UACA: variants seen among roughly 807,000 people sequenced by gnomAD.
UACA encodes nuclear membrane binding protein.
A neutral mutation model predicts 160.5 loss-of-function variants in UACA; 112 were observed. The ratio of observed to expected loss-of-function variants is 0.70; its 90% confidence interval spans 0.60 to 0.82. UACA has a LOEUF of 0.82. Among genes scored for constraint, UACA ranks in the 40% least tolerant of loss-of-function variants. UACA has a pLI of 0.00. For synonymous variants in UACA, 557 were observed against 568.4 expected (o/e 0.98, Z 0.29); for missense variants, 1,574 against 1,614.6 (o/e 0.97, Z 0.43).
rs190478929 is a variant in UACA, at chr15:70,753,432, C to T, written c.78+9898G>A. On this transcript the variant is annotated intron_variant, in intron 1 of 18. Transcript: ENST00000322954. ...AAAATGCCTCCTCTCTCCCCTTCTCCAATTTTTTTGTATATATGGCTTAAG... is the reference window on the plus strand; with the variant it reads ...AAAATGCCTCCTCTCTCCCCTTCTCTAATTTTTTTGTATATATGGCTTAAG... Among the ~76,000 whole-genome samples, 519 of 152,276 alleles carry T rather than the reference C, an allele frequency of 3.4e-3. 4 individuals carry two copies. The highest frequency in any genetic ancestry group is 0.011 in the African/African-American group (459 of 41,546).
Position 70,763,532 on chromosome 15 carries a change from T to C in UACA, c.-125A>G. The stretch of plus-strand genomic sequence containing the variant: ...GTACCAGCCCCACCTGCCTGCCACC[T>C]GCGGGCCCCGGGCAGCAGACGTCGA... On this transcript the variant is annotated 5_prime_UTR_variant, in exon 1 of 19. Coordinates refer to ENST00000322954, the MANE Select transcript of UACA (RefSeq NM_018003.4). The C allele has an allele frequency of 4.0e-6, 5 of 1,244,910 alleles. No individual in the cohort carries two copies. The highest frequency in any genetic ancestry group is 5.0e-6 in the Non-Finnish European group (5 of 990,500). 77.1% of individuals were successfully genotyped at this position (1,244,910 alleles called of 1,614,324 possible). A position where few individuals can be genotyped will look rare whatever the true frequency, so the allele number is the denominator to read the frequency against.
intron 1 of UACA, among the ~76,000 whole-genome samples, chr15:70,705,523 C>T (rs563280492): frequency 2.0e-5 from 3 of 151,562 alleles, no homozygotes; most frequent in East Asian, 1.9e-4. Context: ...GCAACAAGAG[C>T]GAAACTCCAT....
chr15:70,691,185 T>C (rs1341320634), intron 4 of UACA, 114 bp downstream of exon 4: 1 of 659,322 alleles, frequency 1.5e-6, no homozygotes, highest in Non-Finnish European at 2.5e-6. Flanking sequence ...TGTAAGCTCA[T>C]AGTCAAAGTT....
chr15:70,669,701 T>C (rs897526974), intron 15 of UACA, among the ~76,000 whole-genome samples: 11 of 152,220 alleles, frequency 7.2e-5, no homozygotes, highest in African/African-American at 1.9e-4. Flanking sequence ...AGTCTATTTC[T>C]GGCAGAACAA....
intron 8 of UACA, among the ~76,000 whole-genome samples, chr15:70,683,253 T>C (rs985887222): frequency 2.6e-5 from 4 of 151,730 alleles, no homozygotes; most frequent in Admixed American, 6.6e-5. Flanking sequence ...CAGCTACTCA[T>C]GAGGCTGAGG....
chr15:70,766,469 A>C (rs2031011792), upstream of UACA, among the ~76,000 whole-genome samples: 2 of 150,228 alleles, frequency 1.3e-5, no homozygotes, highest in Non-Finnish European at 3.0e-5. Flanking sequence ...ATATTTATTT[A>C]TTTACAATAT....
chr15:70,778,150 G>C, the UACA span, among the ~76,000 whole-genome samples: 1 of 151,782 alleles, frequency 6.6e-6, no homozygotes, highest in South Asian at 2.1e-4. Flanking sequence ...GCAGTGAGCT[G>C]TGATCGTGCC....
chr15:70,666,329 C>G (rs1896902156), intron 16 of UACA, among the ~76,000 whole-genome samples: 1 of 151,848 alleles, frequency 6.6e-6, no homozygotes, highest in African/African-American at 2.4e-5. Flanking sequence ...CAGTTTACTA[C>G]TATGGGTGAG....
chr15:70,721,596 C>T (rs1229729847), intron 1 of UACA, among the ~76,000 whole-genome samples: 3 of 150,766 alleles, frequency 2.0e-5, no homozygotes, highest in African/African-American at 7.4e-5. Flanking sequence ...CACTGCACTC[C>T]AGCCTGGGCA....
At chr15:70,657,539 G>A (rs1423946214) in intron 18 of UACA, among the ~76,000 whole-genome samples, 4 of 152,154 alleles carry the variant, frequency 2.6e-5, no homozygotes, top group Non-Finnish European at 5.9e-5. Context: ...AGGTTGCAGC[G>A]AACCAAGATT....
intron 1 of UACA, among the ~76,000 whole-genome samples, chr15:70,758,088 C>T (rs1022225923): frequency 2.0e-5 from 3 of 152,156 alleles, no homozygotes; most frequent in Non-Finnish European, 2.9e-5. Flanking sequence ...ATAATCATTA[C>T]ACCATCCTTA....
intron 1 of UACA, among the ~76,000 whole-genome samples, chr15:70,749,812 ACAT>A (rs1220423308): frequency 6.6e-6 from 1 of 152,192 alleles, no homozygotes; most frequent in African/African-American, 2.4e-5. Context: ...TATTTATCAA[ACAT>A]CATCATCAGA....
Position 70,660,137 on chromosome 15 carries a change from A to T in UACA, c.4179+14T>A. On this transcript the variant is annotated intron_variant, in intron 18 of 18. Transcript: ENST00000322954. ...TAAAGCAATATTCTTTCCAAAGGAG[A>T]AGTAGTTCTTTACCTGTGCAGCACT... 1 of 1,598,478 alleles carries T rather than the reference A, an allele frequency of 6.3e-7. No individual in the cohort carries two copies. The highest frequency in any genetic ancestry group is 8.5e-7 in the Non-Finnish European group (1 of 1,171,180).
chr15:70,772,652 T>C, the UACA span, among the ~76,000 whole-genome samples: 1 of 152,058 alleles, frequency 6.6e-6, no homozygotes, highest in Non-Finnish European at 1.5e-5. Context: ...ATATATTAAG[T>C]AGGAGGCCTA....
rs949681789 is a variant in UACA at position 70,699,600 on chromosome 15, C to T, written c.139G>A (p.Val47Ile). 1.9e-6 allele frequency: 3 copies of T among 1,611,062 alleles called. No individual in the cohort carries two copies. The highest frequency in any genetic ancestry group is 8.5e-7 in the Non-Finnish European group (1 of 1,179,326). ...RLMKAAERGD[V>I]EKVTSILAKK... is the part of the protein sequence containing the mutation. ...GCAAGGATTGAGGTCACTTTTTCTA[C>T]ATCCCCCCTTTCTGCTGCTTTCATC... is the stretch of plus-strand genomic sequence containing the variant. The change falls in exon 2 of 19, where the codon GTA (valine) becomes ATA (isoleucine). Residue 47 changes from valine (V) to isoleucine (I), a missense_variant. Val to Ile is a conservative substitution (Grantham distance 29). Transcript: ENST00000322954.
chr15:70,749,698 C>CAA lies in UACA; in HGVS notation c.78+13630_78+13631dup, dbSNP rs11292883. Among the ~76,000 whole-genome samples the CAA allele has an allele frequency of 5.0e-3, 349 of 69,884 alleles. 2 individuals carry two copies. The highest frequency in any genetic ancestry group is 0.02 in the South Asian group (37 of 1,850). The allele number at this position is 69,884 out of a possible 152,430, so 45.8% of individuals were successfully genotyped here. A position where few individuals can be genotyped will look rare whatever the true frequency, so the allele number is the denominator to read the frequency against. On this transcript the variant is annotated intron_variant, in intron 1 of 18. Transcript: ENST00000322954. Reference sequence around the variant, plus strand: ...TGGGCGACAGAGGAAGACTCCGTCTCAAAAAAAAAAAAAAAAAAAAAAAGT... The same window carrying CAA: ...TGGGCGACAGAGGAAGACTCCGTCTCAAAAAAAAAAAAAAAAAAAAAAAAAGT...
At chr15:70,747,949 G>C (rs1417777154) in intron 1 of UACA, among the ~76,000 whole-genome samples, 1 of 152,150 alleles carries the variant, frequency 6.6e-6, no homozygotes, top group African/African-American at 2.4e-5. Context: ...AAGTCCAGGT[G>C]ATTCAGTTTA....
chr15:70,757,248 T>C (rs1334296500), intron 1 of UACA, among the ~76,000 whole-genome samples: 1 of 152,214 alleles, frequency 6.6e-6, no homozygotes, highest in Non-Finnish European at 1.5e-5. Flanking sequence ...TCAAAATTAT[T>C]GTATGACAAT....
chr15:70,751,270 T>C (rs2030035728), intron 1 of UACA, among the ~76,000 whole-genome samples: 1 of 152,120 alleles, frequency 6.6e-6, no homozygotes, highest in Non-Finnish European at 1.5e-5. Flanking sequence ...CTCAATAAAT[T>C]TTTTTCATAA....
Sources: gnomAD v4.1 joint callset for allele counts (sites outside exome capture counted in the v4.1 genomes callset) on GRCh38, gnomAD v4.1.1 for gene constraint, MANE v1.5 for transcripts, NCBI Gene and HGNC (gene_info 2026-07-23, HGNC 2026-07-21) for gene names.